Variants in CCDC171 observed in about 807,000 individuals in gnomAD.
CCDC171 encodes coiled-coil domain containing 171.
In CCDC171, 177 loss-of-function variants were observed where a neutral mutation model predicts 168.2. The ratio of observed to expected loss-of-function variants is 1.05; its 90% confidence interval spans 0.93 to 1.19. The LOEUF (loss-of-function observed/expected upper bound fraction) is 1.19. CCDC171 is among the 50% of genes most tolerant of loss of function. CCDC171 has a pLI of 0.00. For synonymous variants in CCDC171, 687 were observed against 540.8 expected (o/e 1.27, Z -3.75); for missense variants, 1,991 against 1,539.0 (o/e 1.29, Z -4.91).
chr9:15,942,524 G>A (rs1827848301), intron 25 of CCDC171, among the ~76,000 whole-genome samples: 1 of 151,916 alleles, frequency 6.6e-6, no homozygotes, highest in Non-Finnish European at 1.5e-5. Context: ...ATCAGGAATT[G>A]TGTCTTGTTT....
At chr9:15,781,854 T>TAATTA (rs2057684980) in intron 20 of CCDC171, among the ~76,000 whole-genome samples, 1 of 152,216 alleles carries the variant, frequency 6.6e-6, no homozygotes, top group Admixed American at 6.5e-5. Flanking sequence ...GTCCTTATAA[T>TAATTA]TATCTCACAT....
At chr9:15,832,491 A>G (rs2060275389) in intron 21 of CCDC171, among the ~76,000 whole-genome samples, 1 of 152,238 alleles carries the variant, frequency 6.6e-6, no homozygotes, top group South Asian at 2.1e-4. Context: ...ACAAACCTGT[A>G]CAGAATGTTA....
At chr9:15,856,666 TG>T (rs2061359213) in intron 23 of CCDC171, among the ~76,000 whole-genome samples, 2 of 152,058 alleles carry the variant, frequency 1.3e-5, no homozygotes, top group Admixed American at 6.6e-5. Flanking sequence ...GAAGTGAACT[TG>T]GGAGTGTATA....
intron 3 of CCDC171, among the ~76,000 whole-genome samples, chr9:15,999,243 G>C (rs1192404642): frequency 6.9e-6 from 1 of 144,568 alleles, no homozygotes; most frequent in Non-Finnish European, 1.5e-5. Flanking sequence ...AAGATAGAAA[G>C]AAAAGAAAGA....
chr9:15,907,407 A>G (rs1021906266), intron 24 of CCDC171, among the ~76,000 whole-genome samples: 1 of 152,240 alleles, frequency 6.6e-6, no homozygotes, highest in African/African-American at 2.4e-5. Context: ...AGAAATGGGG[A>G]AACGATTCCC....
intron 24 of CCDC171, among the ~76,000 whole-genome samples, chr9:15,898,787 T>C (rs1374850981): frequency 6.6e-6 from 1 of 152,090 alleles, no homozygotes; most frequent in African/African-American, 2.4e-5. Context: ...CTTTCCCCAT[T>C]GTTATATCTT....
At chr9:15,958,916 T>G (rs1025303987) in intron 25 of CCDC171, among the ~76,000 whole-genome samples, 1 of 152,036 alleles carries the variant, frequency 6.6e-6, no homozygotes, top group Non-Finnish European at 1.5e-5. Flanking sequence ...AGAAGAGATA[T>G]AGCAGGGAGC....
chr9:15,648,268 G>A (rs928569996), intron 7 of CCDC171, among the ~76,000 whole-genome samples: 2 of 152,044 alleles, frequency 1.3e-5, no homozygotes, highest in Admixed American at 6.6e-5. Context: ...AGAGCTATCT[G>A]TGACAAACCC....
intron 24 of CCDC171, among the ~76,000 whole-genome samples, chr9:15,918,656 T>G (rs1457575570): frequency 6.6e-6 from 1 of 151,584 alleles, no homozygotes; most frequent in Non-Finnish European, 1.5e-5. Context: ...TGTCAGATAT[T>G]CCCAGGTAAG....
chr9:15,805,572 A>G (rs914405788), intron 21 of CCDC171, among the ~76,000 whole-genome samples: 4 of 152,020 alleles, frequency 2.6e-5, no homozygotes, highest in Non-Finnish European at 5.9e-5. Flanking sequence ...TTTTTTTAGC[A>G]CTGAGTTCTA....
chr9:16,000,959 G>A (rs757013431), intron 3 of CCDC171, among the ~76,000 whole-genome samples: 2 of 152,096 alleles, frequency 1.3e-5, no homozygotes, highest in Non-Finnish European at 1.5e-5. Flanking sequence ...AGAGTCCAGT[G>A]TTTTGTCCTT....
upstream of CCDC171, among the ~76,000 whole-genome samples, chr9:16,037,843 C>A (rs187186731): frequency 7.8e-4 from 118 of 151,496 alleles, no homozygotes; most frequent in African/African-American, 2.6e-3. Flanking sequence ...TGAGAATAAG[C>A]GTTTAGAAGT....
chr9:16,013,705 A>AT (rs1294229051), intron 3 of CCDC171, among the ~76,000 whole-genome samples: 7 of 152,254 alleles, frequency 4.6e-5, no homozygotes, highest in African/African-American at 1.4e-4. Flanking sequence ...GAATACCACA[A>AT]TAAAGTGAGT....
chr9:15,563,453 C>G (rs1480729219), intron 1 of CCDC171, among the ~76,000 whole-genome samples: 2 of 152,106 alleles, frequency 1.3e-5, no homozygotes, highest in Non-Finnish European at 2.9e-5. Flanking sequence ...TACTTTTAAT[C>G]TCAGTCTTGG....
At chr9:15,872,431 A>T (rs1380168993) in intron 23 of CCDC171, among the ~76,000 whole-genome samples, 1 of 152,002 alleles carries the variant, frequency 6.6e-6, no homozygotes, top group Non-Finnish European at 1.5e-5. Flanking sequence ...GCCTGATGCT[A>T]ATCAGGTTAA....
intron 21 of CCDC171, among the ~76,000 whole-genome samples, chr9:15,825,080 G>A (rs2059956971): frequency 6.6e-6 from 1 of 152,124 alleles, no homozygotes; most frequent in South Asian, 2.1e-4. Flanking sequence ...TAGAAAAAAA[G>A]AGAGTCAACT....
rs761657719 is a variant in CCDC171 at position 15,744,549 on chromosome 9, T to C, written c.2326T>C (p.Leu776=). ...KLEIRTLAQA[L]STVEEKKQEE... ...GGAAATTAGAACTCTAGCCCAGGCT[T>C]TGTCAACTGTAGAGGAAAAGAAGCA... is the stretch of plus-strand genomic sequence containing the variant. Residue 776 remains leucine (L), a synonymous_variant, in exon 17 of 26, where the codon TTG becomes CTG. Transcript: ENST00000380701. 1 of 1,614,196 alleles carries C rather than the reference T, an allele frequency of 6.2e-7. No individual in the cohort carries two copies. Among genetic ancestry groups the C allele is most frequent in the East Asian group, 2.2e-5 (1 of 44,874 alleles).
intron 3 of CCDC171, among the ~76,000 whole-genome samples, chr9:16,018,709 T>C (rs1262469877): frequency 6.6e-6 from 1 of 152,252 alleles, no homozygotes; most frequent in Non-Finnish European, 1.5e-5. Context: ...ACAGTGGCCC[T>C]GTCAATTCCC....
intron 21 of CCDC171, among the ~76,000 whole-genome samples, chr9:15,800,581 T>C (rs1167502278): frequency 6.6e-6 from 1 of 152,168 alleles, no homozygotes; most frequent in Admixed American, 6.5e-5. Flanking sequence ...ACTTTGTTGA[T>C]TGTTTCTTTT....
Sources: allele counts gnomAD v4.1 joint callset (sites outside exome capture counted in the v4.1 genomes callset), GRCh38; gene constraint gnomAD v4.1.1; transcripts MANE v1.5; gene names NCBI Gene and HGNC (gene_info 2026-07-23, HGNC 2026-07-21).